The following GALNTL5 variants were observed in gnomAD, a reference collection of about 807,000 sequenced individuals.
GALNTL5 encodes the protein polypeptide N-acetylgalactosaminyltransferase like 5.
GALNTL5 carries 44 observed loss-of-function variants against 51.0 expected under a neutral mutation model. That is an observed-to-expected ratio of 0.86 (90% CI 0.68 to 1.11). The LOEUF (loss-of-function observed/expected upper bound fraction) is 1.11, where lower values mean the gene tolerates loss of function less well. Among genes scored for constraint, GALNTL5 ranks in the 50% least tolerant of loss-of-function variants. The pLI is 0.00. For synonymous variants in GALNTL5, 192 were observed against 182.8 expected (o/e 1.05, Z -0.41); for missense variants, 528 against 531.8 (o/e 0.99, Z 0.07).
intron 6 of GALNTL5, among the ~76,000 whole-genome samples, chr7:152,005,011 T>A (rs1309903038): frequency 6.6e-6 from 1 of 152,224 alleles, no homozygotes; most frequent in Non-Finnish European, 1.5e-5. Context: ...CTACTTTTAG[T>A]TCGTTGAGAA....
rs372382184 is a variant in GALNTL5, at chr7:151,982,469, G to A, written c.369-517G>A. On this transcript the variant is annotated intron_variant, in intron 3 of 8. Transcript: ENST00000392800. ...AAGCATTTTTGTCAAATATTCAGAA[G>A]AAATCCAATTAGACCATATCTGCTA... 2.0e-4 allele frequency among the ~76,000 whole-genome samples: 31 copies of A among 152,202 alleles called. No individual in the cohort carries two copies. In the South Asian group the frequency reaches 6.4e-3, roughly 32 times the overall value.
rs191912460 is a variant in GALNTL5, at chr7:152,018,298, T to A, written c.1177-1348T>A. Among the ~76,000 whole-genome samples, 10 of 152,388 alleles carry A rather than the reference T, an allele frequency of 6.6e-5. No individual in the cohort carries two copies. In the East Asian group the frequency reaches 1.2e-3, roughly 18 times the overall value. ...ATGATCTTCACTGTCTGTCTCGTCA[T>A]CTGTGCTGCCATCAAATGTATACGA... On this transcript the variant is annotated intron_variant, in intron 8 of 8. Transcript: ENST00000392800.
chr7:151,978,857 G>A (rs1456382167), intron 3 of GALNTL5, among the ~76,000 whole-genome samples: 1 of 152,020 alleles, frequency 6.6e-6, no homozygotes, highest in Non-Finnish European at 1.5e-5. Flanking sequence ...TATTGGATTA[G>A]GGCCTACCCT....
rs368883583 is a variant in GALNTL5 at position 151,968,223 on chromosome 7, C to T, written c.247+730C>T. Among the ~76,000 whole-genome samples the T allele has an allele frequency of 7.9e-5, 12 of 152,098 alleles. No individual in the cohort carries two copies. In the South Asian group the frequency reaches 2.3e-3, roughly 29 times the overall value. On this transcript the variant is annotated intron_variant, in intron 2 of 8. Coordinates refer to ENST00000392800, the MANE Select transcript of GALNTL5 (RefSeq NM_145292.4). ...CTGAGGTGGAAGGATCGCTTGAGCC[C>T]AGGAAGTCAAGGTTACAGTGAGCTA...
intron 5 of GALNTL5, among the ~76,000 whole-genome samples, chr7:151,993,687 G>A (rs1158710927): frequency 1.3e-5 from 2 of 151,910 alleles, no homozygotes; most frequent in African/African-American, 2.4e-5. Flanking sequence ...GTGGAGTATC[G>A]AAGCTCACTG....
At chr7:151,991,246 C>T (rs936748791) in intron 5 of GALNTL5, among the ~76,000 whole-genome samples, 1 of 152,246 alleles carries the variant, frequency 6.6e-6, no homozygotes, top group Non-Finnish European at 1.5e-5. Flanking sequence ...GCACCCACCA[C>T]CACACCCGGC....
chr7:152,017,610 G>A (rs557473747), intron 8 of GALNTL5, among the ~76,000 whole-genome samples: 10 of 152,214 alleles, frequency 6.6e-5, no homozygotes, highest in Admixed American at 2.0e-4. Context: ...AAATTAATAC[G>A]TAATCAAGAT....
intron 5 of GALNTL5, chr7:151,995,348 ATTTTTTTTTTTTTTTTTTTTTTTTTTTTT>A (rs71198750): frequency 1.4e-5 from 1 of 71,098 alleles, no homozygotes; most frequent in Non-Finnish European, 2.9e-5. Flanking sequence ...GTTGGTATGA[ATTTTTTTTTTTTTTTTTTTTTTTTTTTTT>A]TTTTTTTTTT....
At chr7:152,014,277 T>G (rs2081776726) in intron 7 of GALNTL5, among the ~76,000 whole-genome samples, 1 of 152,184 alleles carries the variant, frequency 6.6e-6, no homozygotes, top group African/African-American at 2.4e-5. Context: ...GTGGTTGTCG[T>G]TTTTTGTTTT....
intron 3 of GALNTL5, among the ~76,000 whole-genome samples, chr7:151,979,953 G>A (rs1029976282): frequency 6.6e-6 from 1 of 152,282 alleles, no homozygotes; most frequent in South Asian, 2.1e-4. Context: ...TAACATCAGA[G>A]ATGTGATTTT....
chr7:152,014,686 CGAGTAGGACATAT>C lies in GALNTL5; in HGVS notation c.1070_1082del (p.Arg357ProfsTer16). ...CCAACTCTTTATAATCCCCTGCTCT[CGAGTAGGACATAT>C]CAGTAAGAAACAAACTGGAAAACCT... On this transcript the variant is annotated frameshift_variant, in exon 8 of 9. Coordinates refer to ENST00000392800, the MANE Select transcript of GALNTL5 (RefSeq NM_145292.4). LOFTEE classifies it high-confidence loss of function. The C allele has an allele frequency of 6.2e-7, 1 of 1,613,022 alleles. No individual in the cohort carries two copies. The highest frequency in any genetic ancestry group is 1.1e-5 in the South Asian group (1 of 90,888).
intron 8 of GALNTL5, 130 bp downstream of exon 8, chr7:152,014,923 AG>A (rs1214424358): frequency 5.1e-6 from 4 of 788,542 alleles, no homozygotes; most frequent in Non-Finnish European, 7.7e-6. Context: ...AAATTAACAC[AG>A]GAACGGAAAA....
At chr7:151,958,703 G>C (rs139158453) in intron 1 of GALNTL5, among the ~76,000 whole-genome samples, 1 of 152,338 alleles carries the variant, frequency 6.6e-6, no homozygotes, top group Non-Finnish European at 1.5e-5. Context: ...ACTGGCAGAA[G>C]GTGGGAAGGT....
At chr7:152,017,383 T>C (rs963101464) in intron 8 of GALNTL5, among the ~76,000 whole-genome samples, 2 of 152,214 alleles carry the variant, frequency 1.3e-5, no homozygotes, top group Non-Finnish European at 2.9e-5. Context: ...GGGACTACCA[T>C]TATGTACATG....
At chr7:151,975,032 A>G (rs1335213564) in intron 3 of GALNTL5, among the ~76,000 whole-genome samples, 1 of 152,226 alleles carries the variant, frequency 6.6e-6, no homozygotes, top group Non-Finnish European at 1.5e-5. Context: ...ATATTATTTC[A>G]TTAAATGGAA....
intron 3 of GALNTL5, among the ~76,000 whole-genome samples, chr7:151,975,564 A>G (rs1054555071): frequency 1.3e-5 from 2 of 151,520 alleles, no homozygotes; most frequent in African/African-American, 4.8e-5. Context: ...TATTTCATTT[A>G]TTTCTGCACT....
chr7:151,990,744 C>T (rs551088430), intron 5 of GALNTL5, among the ~76,000 whole-genome samples: 29 of 151,632 alleles, frequency 1.9e-4, no homozygotes, highest in Non-Finnish European at 3.7e-4. Context: ...CTGGTCTGTC[C>T]CCTCCACACT....
At chr7:151,980,734 A>G (rs1311468775) in intron 3 of GALNTL5, among the ~76,000 whole-genome samples, 1 of 118,310 alleles carries the variant, frequency 8.5e-6, no homozygotes. Context: ...AGTGCTAACA[A>G]TGATTTTTTT....
In GALNTL5 at chr7:151,997,186, G is replaced by A. The variant is rs539163227; in HGVS notation, c.659-5528G>A. ...ATATTTCCACAAATACTCTTTGGAA[G>A]CAAGTAGGGGAAGAATTCCTCTATC... On this transcript the variant is annotated intron_variant, in intron 5 of 8. Coordinates refer to ENST00000392800, the MANE Select transcript of GALNTL5 (RefSeq NM_145292.4). 2.0e-5 allele frequency among the ~76,000 whole-genome samples: 3 copies of A among 152,194 alleles called. No homozygotes were observed. The South Asian group carries it at 6.2e-4, about 32-fold the overall frequency.
Sources: gnomAD v4.1 joint callset for allele counts (sites outside exome capture counted in the v4.1 genomes callset) on GRCh38, gnomAD v4.1.1 for gene constraint, MANE v1.5 for transcripts, NCBI Gene and HGNC (gene_info 2026-07-23, HGNC 2026-07-21) for gene names.